The following STXBP5L variants were observed in gnomAD, a reference collection of about 807,000 sequenced individuals.
The protein encoded by STXBP5L is syntaxin binding protein 5L.
A neutral mutation model predicts 144.5 loss-of-function variants in STXBP5L; 65 were observed. The observed-to-expected ratio is 0.45, with a 90% CI of 0.37 to 0.55. The LOEUF is 0.55. Among genes scored for constraint, STXBP5L ranks in the 20% least tolerant of loss-of-function variants. The pLI is 0.00. For synonymous variants in STXBP5L, 505 were observed against 469.6 expected (o/e 1.08, Z -0.97); for missense variants, 1,298 against 1,405.5 (o/e 0.92, Z 1.22).
intron 20 of STXBP5L, among the ~76,000 whole-genome samples, chr3:121,363,138 C>A (rs923998456): frequency 6.6e-6 from 1 of 152,150 alleles, no homozygotes; most frequent in Admixed American, 6.5e-5. Flanking sequence ...CCACTCTTTT[C>A]TCTCCTGTCC....
intron 7 of STXBP5L, among the ~76,000 whole-genome samples, chr3:121,122,457 A>G (rs2044510344): frequency 6.6e-6 from 1 of 151,360 alleles, no homozygotes; most frequent in South Asian, 2.1e-4. Flanking sequence ...TTAAGAAAAG[A>G]AAATGTATAC....
At chr3:121,389,258 C>T (rs866421526) in intron 22 of STXBP5L, among the ~76,000 whole-genome samples, 12 of 152,022 alleles carry the variant, frequency 7.9e-5, no homozygotes, top group East Asian at 1.9e-4. Flanking sequence ...ATTTTTATTG[C>T]GTCTACTTGA....
At chr3:120,975,970 A>C (rs1279330647) in intron 3 of STXBP5L, among the ~76,000 whole-genome samples, 69 of 152,056 alleles carry the variant, frequency 4.5e-4, no homozygotes, top group Middle Eastern at 3.4e-3. Context: ...GGATTTTTGC[A>C]TCAATGTTCA....
rs749951777 is a variant in STXBP5L at position 121,259,182 on chromosome 3, C to T, written c.1958+14C>T. ...AGCATATGGAATGTAAGTAATTAAA[C>T]TTTTTTATGATATGTATTATTTAGC... is the stretch of plus-strand genomic sequence containing the variant. On this transcript the variant is annotated intron_variant, in intron 18 of 26. Transcript: ENST00000471454. 2.1e-5 allele frequency: 32 copies of T among 1,519,780 alleles called. No homozygotes were observed. The highest frequency in any genetic ancestry group is 2.7e-5 in the Non-Finnish European group (30 of 1,131,056). The allele number at this position is 1,519,780 out of a possible 1,614,324, so 94.1% of individuals were successfully genotyped here. A position where few individuals can be genotyped will look rare whatever the true frequency, so the allele number is the denominator to read the frequency against.
intron 19 of STXBP5L, among the ~76,000 whole-genome samples, chr3:121,290,468 T>A (rs1170677277): frequency 6.6e-6 from 1 of 152,030 alleles, no homozygotes; most frequent in Admixed American, 6.6e-5. Flanking sequence ...CTGAATTCTA[T>A]CAGACATTCA....
At chr3:121,389,160 T>G (rs1001057547) in intron 22 of STXBP5L, among the ~76,000 whole-genome samples, 4 of 152,234 alleles carry the variant, frequency 2.6e-5, no homozygotes, top group Non-Finnish European at 5.9e-5. Context: ...TCTTCTAGAT[T>G]TTCTAGTTTA....
At chr3:121,374,965 T>A (rs1291517988) in intron 20 of STXBP5L, among the ~76,000 whole-genome samples, 1 of 132,748 alleles carries the variant, frequency 7.5e-6, no homozygotes, top group African/African-American at 2.9e-5. Flanking sequence ...AAATAATTTG[T>A]ACACATGGAC....
At chr3:121,402,520 T>C (rs1354084217) in intron 22 of STXBP5L, among the ~76,000 whole-genome samples, 1 of 152,212 alleles carries the variant, frequency 6.6e-6, no homozygotes, top group Non-Finnish European at 1.5e-5. Context: ...TTTTCTTTCA[T>C]GCATTGTCAA....
chr3:120,959,691 T>A (rs529178361), intron 3 of STXBP5L, among the ~76,000 whole-genome samples: 1 of 152,330 alleles, frequency 6.6e-6, no homozygotes, highest in African/African-American at 2.4e-5. Context: ...GTGGGAAAAC[T>A]GGCTAGCCAT....
intron 5 of STXBP5L, among the ~76,000 whole-genome samples, chr3:121,063,391 G>C (rs979167563): frequency 6.6e-6 from 1 of 152,150 alleles, no homozygotes; most frequent in Non-Finnish European, 1.5e-5. Flanking sequence ...AGGGGCACCC[G>C]CCATATGTCA....
intron 3 of STXBP5L, among the ~76,000 whole-genome samples, chr3:120,989,409 T>A (rs1055119351): frequency 1.3e-5 from 2 of 152,170 alleles, no homozygotes; most frequent in Non-Finnish European, 2.9e-5. Flanking sequence ...TTTTCATATG[T>A]TTATTCGCAA....
chr3:121,116,061 C>T (rs930776223), intron 6 of STXBP5L, among the ~76,000 whole-genome samples: 1 of 152,106 alleles, frequency 6.6e-6, no homozygotes, highest in Admixed American at 6.6e-5. Context: ...GAGCTTTGGG[C>T]AGGGACAAAT....
At chr3:121,021,570 C>G (rs533010320) in intron 3 of STXBP5L, among the ~76,000 whole-genome samples, 2 of 152,102 alleles carry the variant, frequency 1.3e-5, no homozygotes, top group Admixed American at 1.3e-4. Context: ...CAAGTGCTCT[C>G]TCTATTATAG....
intron 7 of STXBP5L, among the ~76,000 whole-genome samples, chr3:121,143,560 A>G (rs1559793411): frequency 6.6e-6 from 1 of 151,874 alleles, no homozygotes; most frequent in Non-Finnish European, 1.5e-5. Context: ...AAGCTAAATT[A>G]CAAGGCTACA....
chr3:121,422,753 T>C lies in STXBP5L; in HGVS notation c.*3656T>C, dbSNP rs1043720307. 6.6e-6 allele frequency: 1 copy of C among 152,150 alleles called. No individual in the cohort carries two copies. Among genetic ancestry groups the C allele is most frequent in the Non-Finnish European group, 1.5e-5 (1 of 68,020 alleles). The allele number at this position is 152,150 out of a possible 1,614,324, so 9.4% of individuals were successfully genotyped here. On this transcript the variant is annotated 3_prime_UTR_variant, in exon 27 of 27. Coordinates refer to ENST00000471454, the MANE Select transcript of STXBP5L (RefSeq NM_001308330.2). ...ATTTTCTCAGATCTTTTGAAAGTGATTCTCAAATAAATAAATCAAAATCCA... is the reference window on the plus strand; with the variant it reads ...ATTTTCTCAGATCTTTTGAAAGTGACTCTCAAATAAATAAATCAAAATCCA...
chr3:121,329,932 TAC>T (rs1371511684), intron 20 of STXBP5L, among the ~76,000 whole-genome samples: 1 of 152,150 alleles, frequency 6.6e-6, no homozygotes, highest in African/African-American at 2.4e-5. Context: ...TACATAAAGA[TAC>T]ACTTATTTAA....
At chr3:121,220,681 A>AT (rs2048947144) in intron 10 of STXBP5L, among the ~76,000 whole-genome samples, 2 of 152,046 alleles carry the variant, frequency 1.3e-5, no homozygotes, top group South Asian at 2.1e-4. Flanking sequence ...ATCAAAATTA[A>AT]TTTTTTTCTG....
chr3:121,312,446 C>CTTTT (rs58989280), intron 19 of STXBP5L, among the ~76,000 whole-genome samples: 11 of 12,752 alleles, frequency 8.6e-4, no homozygotes, highest in African/African-American at 1.3e-3. Context: ...GTATGTCAAT[C>CTTTT]TTTTTTTTTT....
intron 7 of STXBP5L, among the ~76,000 whole-genome samples, chr3:121,133,507 C>A (rs1436941227): frequency 1.3e-5 from 2 of 152,106 alleles, no homozygotes; most frequent in African/African-American, 4.8e-5. Context: ...AAAATACTGT[C>A]CATCAAGAAT....
Sources: allele counts gnomAD v4.1 joint callset (sites outside exome capture counted in the v4.1 genomes callset), GRCh38; gene constraint gnomAD v4.1.1; transcripts MANE v1.5; gene names NCBI Gene and HGNC (gene_info 2026-07-23, HGNC 2026-07-21).